Variants in BBIP1 observed in about 807,000 individuals in gnomAD.
The protein encoded by BBIP1 is BBSome-interacting protein 1.
Under a neutral mutation model 8.9 loss-of-function variants are expected in BBIP1, and 6 were observed. The ratio of observed to expected loss-of-function variants is 0.67; its 90% confidence interval spans 0.37 to 1.33. The LOEUF (loss-of-function observed/expected upper bound fraction) is 1.33, where lower values mean the gene tolerates loss of function less well. BBIP1 is among the 40% of genes most tolerant of loss of function. The pLI, the probability that BBIP1 is intolerant of heterozygous loss-of-function variation, is 0.02. For synonymous variants in BBIP1, 32 were observed against 33.4 expected, an observed-to-expected ratio of 0.96 and a Z score of 0.14; for missense variants, 111 against 109.2, an observed-to-expected ratio of 1.02 and a Z score of -0.07.
In BBIP1 at chr10:110,901,438, T is replaced by C. The variant is rs984288007; in HGVS notation, c.112+100A>G. 8 of 784,446 alleles carry C rather than the reference T, an allele frequency of 1.0e-5. No homozygotes were observed. In the African/African-American group the frequency reaches 1.0e-4, roughly 10 times the overall value. 48.6% of individuals were successfully genotyped at this position (784,446 alleles called of 1,614,324 possible). A position where few individuals can be genotyped will look rare whatever the true frequency, so the allele number is the denominator to read the frequency against. On this transcript the variant is annotated intron_variant, in intron 3 of 3. Coordinates refer to ENST00000448814, the MANE Select transcript of BBIP1 (RefSeq NM_001195305.3). ...GTAAATGAGATAATACGGAACACAATAGCTGCAGATGTTTAGCTATTAAGC... is the reference window on the plus strand; with the variant it reads ...GTAAATGAGATAATACGGAACACAACAGCTGCAGATGTTTAGCTATTAAGC...
chr10:110,905,713 C>T (rs894345605), intron 2 of BBIP1, among the ~76,000 whole-genome samples: 2 of 152,122 alleles, frequency 1.3e-5, no homozygotes, highest in East Asian at 1.9e-4. Context: ...TACTTGCATA[C>T]TCCCAAAGAG....
chr10:110,901,276 GTC>G (rs1172355539), intron 3 of BBIP1: 13 of 448,666 alleles, frequency 2.9e-5, no homozygotes, highest in East Asian at 9.0e-5. Flanking sequence ...GTGACAACCT[GTC>G]TCTTAAAAAA....
At chr10:110,904,305 CT>C (rs1376776717) in intron 2 of BBIP1, 1 of 152,148 alleles carries the variant, frequency 6.6e-6, no homozygotes, top group Non-Finnish European at 1.5e-5. Flanking sequence ...AAAACCCAAA[CT>C]TTTGCCTTTT....
chr10:110,910,381 C>T (rs190010764), intron 2 of BBIP1, among the ~76,000 whole-genome samples: 102 of 152,234 alleles, frequency 6.7e-4, no homozygotes, highest in African/African-American at 2.3e-3. Flanking sequence ...CAGTCTGCAA[C>T]GCTGAATTTG....
chr10:110,916,694 G>C (rs776815883), intron 2 of BBIP1, among the ~76,000 whole-genome samples: 2 of 152,126 alleles, frequency 1.3e-5, no homozygotes, highest in Admixed American at 6.5e-5. Context: ...ATGTCTGCAG[G>C]GTGCCAGGAG....
chr10:110,908,026 T>C (rs753985998), intron 2 of BBIP1: 15 of 391,566 alleles, frequency 3.8e-5, no homozygotes, highest in Non-Finnish European at 6.8e-5. Context: ...TTTGTATTCC[T>C]AGGGCAATGT....
In BBIP1 at chr10:110,900,093, G is replaced by A. The variant is rs148875831; in HGVS notation, c.*267C>T. On this transcript the variant is annotated 3_prime_UTR_variant, in exon 4 of 4. Transcript: ENST00000448814. ...TCTATAAAAGATAGCAATAGGAATG[G>A]TGAACAAATAATTTAATTTGCAATT... 3.6e-3 allele frequency: 1,161 copies of A among 322,746 alleles called. 47 individuals are homozygous for A. The South Asian group carries it at 0.09, about 25-fold the overall frequency. The allele number at this position is 322,746 out of a possible 1,614,324, so 20.0% of individuals were successfully genotyped here. A position where few individuals can be genotyped will look rare whatever the true frequency, so the allele number is the denominator to read the frequency against.
At chr10:110,912,947 G>C (rs1031862330) in intron 2 of BBIP1, among the ~76,000 whole-genome samples, 1 of 152,080 alleles carries the variant, frequency 6.6e-6, no homozygotes, top group Non-Finnish European at 1.5e-5. Context: ...GCATATCCTA[G>C]GATTCCGTGT....
chr10:110,905,842 A>C (rs1846119921), intron 2 of BBIP1, among the ~76,000 whole-genome samples: 1 of 152,196 alleles, frequency 6.6e-6, no homozygotes, highest in Non-Finnish European at 1.5e-5. Context: ...CAGTCTTTTA[A>C]AAACATATCC....
In BBIP1 at chr10:110,898,743, A is replaced by G. The variant is rs1845891799; in HGVS notation, c.*1617T>C. 6.6e-6 allele frequency: 1 copy of G among 152,616 alleles called. No homozygotes were observed. Among genetic ancestry groups the G allele is most frequent in the South Asian group, 2.1e-4 (1 of 4,832 alleles). 9.5% of individuals were successfully genotyped at this position (152,616 alleles called of 1,614,324 possible). A position where few individuals can be genotyped will look rare whatever the true frequency, so the allele number is the denominator to read the frequency against. On this transcript the variant is annotated 3_prime_UTR_variant, in exon 4 of 4. Transcript: ENST00000448814. ...AAATAAAACATGTGAAGCAGTATTG[A>G]TTCTTTATTGGGAGTACATTTTTTT... is the stretch of plus-strand genomic sequence containing the variant.
At position 110,900,266 on chromosome 10, in the gene BBIP1, AACACAT is replaced by A; in HGVS notation, c.*88_*93del. The A allele has an allele frequency of 8.6e-7, 1 of 1,167,556 alleles. No homozygotes were observed. Among genetic ancestry groups the A allele is most frequent in the Non-Finnish European group, 1.2e-6 (1 of 864,600 alleles). 72.3% of individuals were successfully genotyped at this position (1,167,556 alleles called of 1,614,324 possible). ...TATGAATACTATCAATTTTATTGAT[AACACAT>A]ACTACTTTCAGCACACAGAAGCATA... is the stretch of plus-strand genomic sequence containing the variant. On this transcript the variant is annotated 3_prime_UTR_variant, in exon 4 of 4. Coordinates refer to ENST00000448814, the MANE Select transcript of BBIP1 (RefSeq NM_001195305.3).
At chr10:110,919,288 A>G (rs1283078972), upstream of BBIP1, 3 of 315,010 alleles carry the variant, frequency 9.5e-6, no homozygotes, top group Admixed American at 5.0e-5. Context: ...GGGAGTTGTC[A>G]CTCTACCCTG....
At chr10:110,911,424 G>C (rs1301289766) in intron 2 of BBIP1, 1 of 151,900 alleles carries the variant, frequency 6.6e-6, no homozygotes, top group Non-Finnish European at 1.5e-5. Context: ...ATTTTAGTTT[G>C]CTTAAGAATA....
chr10:110,913,078 C>G (rs994802043), intron 2 of BBIP1, among the ~76,000 whole-genome samples: 3 of 152,120 alleles, frequency 2.0e-5, no homozygotes, highest in African/African-American at 4.8e-5. Context: ...AAATGAAGTA[C>G]AGGGTTGCTC....
chr10:110,906,882 T>TAAAC (rs1846157241), intron 2 of BBIP1: 1 of 152,250 alleles, frequency 6.6e-6, no homozygotes, highest in Admixed American at 6.5e-5. Flanking sequence ...TTTGTAGATG[T>TAAAC]AAACACTGAG....
chr10:110,905,153 A>G (rs1247625375), intron 2 of BBIP1, among the ~76,000 whole-genome samples: 1 of 152,250 alleles, frequency 6.6e-6, no homozygotes, highest in African/African-American at 2.4e-5. Context: ...AACTTGAAGG[A>G]AAACCAAATC....
intron 2 of BBIP1, among the ~76,000 whole-genome samples, chr10:110,906,258 G>A (rs1846133606): frequency 6.6e-6 from 1 of 152,054 alleles, no homozygotes; most frequent in South Asian, 2.1e-4. Flanking sequence ...CGCCCACCTC[G>A]GCCTCCCAAA....
rs1188942375 is a variant in BBIP1, at chr10:110,899,624, C to CCTGT, written c.*732_*735dup. 2.6e-5 allele frequency: 4 copies of CCTGT among 151,964 alleles called. No homozygotes were observed. The highest frequency in any genetic ancestry group is 4.8e-5 in the African/African-American group (2 of 41,334). 9.4% of individuals were successfully genotyped at this position (151,964 alleles called of 1,614,324 possible). ...ACCAGCTTGACCAACATGAAGAAAC[C>CCTGT]CTGTCTCTATTAAAAATACAAAAGT... On this transcript the variant is annotated 3_prime_UTR_variant, in exon 4 of 4. Transcript: ENST00000448814.
chr10:110,915,626 T>C (rs1846384457), intron 2 of BBIP1, among the ~76,000 whole-genome samples: 1 of 152,254 alleles, frequency 6.6e-6, no homozygotes, highest in Non-Finnish European at 1.5e-5. Flanking sequence ...CCATGTGCTA[T>C]AAACCGAGGT....
Sources: gnomAD v4.1 joint callset for allele counts (sites outside exome capture counted in the v4.1 genomes callset) on GRCh38, gnomAD v4.1.1 for gene constraint, MANE v1.5 for transcripts, NCBI Gene and HGNC (gene_info 2026-07-23, HGNC 2026-07-21) for gene names.